C2CD2: variants seen among roughly 807,000 people sequenced by gnomAD.
C2CD2 encodes C2 calcium dependent domain containing 2, also known as C2 domain-containing protein 2.
C2CD2 carries 43 observed loss-of-function variants against 74.3 expected under a neutral mutation model. That is an observed-to-expected ratio of 0.58 (90% confidence interval 0.45 to 0.75). The LOEUF (loss-of-function observed/expected upper bound fraction) is 0.75. Ranked by LOEUF, C2CD2 falls within the 30% of genes least tolerant of loss-of-function variation. C2CD2 has a pLI of 0.00. For missense variants in C2CD2, 801 were observed against 916.3 expected (o/e 0.87, Z 1.63); for synonymous variants, 422 against 390.7 (o/e 1.08, Z -0.94).
chr21:41,949,181 T>C (rs2146237722), intron 1 of C2CD2, among the ~76,000 whole-genome samples: 1 of 152,230 alleles, frequency 6.6e-6, no homozygotes, highest in African/African-American at 2.4e-5. Context: ...GAGGCAAGCA[T>C]GCTGGATCCC....
chr21:41,941,051 G>A (rs187651010), intron 2 of C2CD2, among the ~76,000 whole-genome samples: 95 of 152,136 alleles, frequency 6.2e-4, no homozygotes, highest in African/African-American at 2.2e-3. Flanking sequence ...GGTAAGATTT[G>A]TATTGAAGAG....
At chr21:41,897,519 C>T (rs1489873079) in intron 13 of C2CD2, among the ~76,000 whole-genome samples, 6 of 152,194 alleles carry the variant, frequency 3.9e-5, no homozygotes, top group South Asian at 4.1e-4. Context: ...CAGAGGTCAG[C>T]GTGCAGCTTA....
chr21:41,933,009 C>G (rs551912232), intron 2 of C2CD2, among the ~76,000 whole-genome samples: 2 of 150,382 alleles, frequency 1.3e-5, no homozygotes, highest in East Asian at 3.9e-4. Context: ...CTCAGGCCAG[C>G]CAGTCCTCGG....
Position 41,926,241 on chromosome 21 carries a change from A to G in C2CD2, c.379-4156T>C, listed in dbSNP as rs1467717340. Among the ~76,000 whole-genome samples the G allele has an allele frequency of 6.6e-6, 1 of 152,200 alleles. No homozygotes were observed. The highest frequency in any genetic ancestry group is 2.4e-5 in the African/African-American group (1 of 41,444). ...TTTTTTTTCCCCAAAACAAGCAAAG[A>G]TTATTTACATAAAGCATTTGAAAAT... On this transcript the variant is annotated intron_variant, in intron 2 of 13. Transcript: ENST00000380486. This position sits in a 1 kb window ranked among gnomAD's most constrained non-coding sequence, Gnocchi z 8.0.
In C2CD2 at chr21:41,901,479, G is replaced by C. The variant is rs1441611394; in HGVS notation, c.1560+143C>G. On this transcript the variant is annotated intron_variant, in intron 12 of 13. Transcript: ENST00000380486. ...AACACCACACATGACTCCTTTGTGG[G>C]GTGAGGAACATAATTTGACATTTGT... 6.3e-5 allele frequency: 53 copies of C among 839,790 alleles called. 2 individuals are homozygous for C. The highest frequency in any genetic ancestry group is 4.8e-4 in the South Asian group (34 of 71,226). 52.0% of individuals were successfully genotyped at this position (839,790 alleles called of 1,614,324 possible). A position where few individuals can be genotyped will look rare whatever the true frequency, so the allele number is the denominator to read the frequency against.
rs1362837911 is a variant in C2CD2, at chr21:41,888,887, C to T, written c.*237G>A. 1.0e-5 allele frequency: 6 copies of T among 580,322 alleles called. No individual in the cohort carries two copies. The highest frequency in any genetic ancestry group is 1.5e-5 in the Non-Finnish European group (5 of 325,392). The allele number at this position is 580,322 out of a possible 1,614,324, so 35.9% of individuals were successfully genotyped here. ...AGCTATGAGCACAGCCCAAGCTCTGCAGCTGTCAAGTCTCATTTAGCATCT... is the reference window on the plus strand; with the variant it reads ...AGCTATGAGCACAGCCCAAGCTCTGTAGCTGTCAAGTCTCATTTAGCATCT... On this transcript the variant is annotated 3_prime_UTR_variant, in exon 14 of 14. Coordinates refer to ENST00000380486, the MANE Select transcript of C2CD2 (RefSeq NM_015500.2).
At chr21:41,909,034 G>A (rs571578091) in intron 8 of C2CD2, among the ~76,000 whole-genome samples, 2 of 152,280 alleles carry the variant, frequency 1.3e-5, no homozygotes, top group Non-Finnish European at 2.9e-5. Context: ...TTGCACAACC[G>A]TGTGAATGTA....
intron 1 of C2CD2, among the ~76,000 whole-genome samples, chr21:41,949,150 G>A (rs1169189240): frequency 6.6e-6 from 1 of 152,020 alleles, no homozygotes; most frequent in Non-Finnish European, 1.5e-5. Flanking sequence ...GTTCTGGGCA[G>A]CCCACGGGCA....
chr21:41,887,970 A>G lies in C2CD2; in HGVS notation c.*1154T>C, dbSNP rs2064703809. ...ACTGATGAGGAAAGCGACTGGAATGATATTAGGGATATTCAAATGGTGTGC... is the reference window on the plus strand; with the variant it reads ...ACTGATGAGGAAAGCGACTGGAATGGTATTAGGGATATTCAAATGGTGTGC... On this transcript the variant is annotated 3_prime_UTR_variant, in exon 14 of 14. Coordinates refer to ENST00000380486, the MANE Select transcript of C2CD2 (RefSeq NM_015500.2). 2 of 152,470 alleles carry G rather than the reference A, an allele frequency of 1.3e-5. No individual in the cohort carries two copies. The allele number at this position is 152,470 out of a possible 1,614,324, so 9.4% of individuals were successfully genotyped here. A position where few individuals can be genotyped will look rare whatever the true frequency, so the allele number is the denominator to read the frequency against.
chr21:41,943,494 C>G (rs909029239), intron 1 of C2CD2, among the ~76,000 whole-genome samples: 1 of 152,156 alleles, frequency 6.6e-6, no homozygotes, highest in African/African-American at 2.4e-5. Context: ...GAACTCTGTT[C>G]CTGACATGCT....
chr21:41,909,089 CATTTT>C (rs942695993), intron 8 of C2CD2, among the ~76,000 whole-genome samples: 2 of 152,134 alleles, frequency 1.3e-5, no homozygotes, highest in African/African-American at 4.8e-5. Context: ...TAAGACGATA[CATTTT>C]ATGTTGTTTA....
At chr21:41,936,045 A>AT (rs71274596) in intron 2 of C2CD2, among the ~76,000 whole-genome samples, 42,772 of 151,030 alleles carry the variant, frequency 0.28, 6,692 homozygotes, top group Non-Finnish European at 0.35. Context: ...TTGGGCAATG[A>AT]TTTTTTTTTG....
chr21:41,932,615 A>G (rs1451317086), intron 2 of C2CD2, among the ~76,000 whole-genome samples: 1 of 150,456 alleles, frequency 6.6e-6, no homozygotes, highest in African/African-American at 2.4e-5. Flanking sequence ...AAGAACTGAT[A>G]ATCGGTGTGA....
In C2CD2 at chr21:41,895,349, T is replaced by C. The variant is rs570591562; in HGVS notation, c.1870+3704A>G. The stretch of plus-strand genomic sequence containing the variant: ...CTGATGGTCTGGATCAAGCAGATCA[T>C]CTGCTTGACTTTGAGCCCGCAGAAT... On this transcript the variant is annotated intron_variant, in intron 13 of 13. Transcript: ENST00000380486. The surrounding 1 kb of genome is among the most constrained non-coding windows in gnomAD (Gnocchi z 5.0). Among the ~76,000 whole-genome samples, 201 of 152,326 alleles carry C rather than the reference T, an allele frequency of 1.3e-3. 2 individuals carry two copies. The highest frequency in any genetic ancestry group is 3.8e-3 in the African/African-American group (158 of 41,570).
intron 7 of C2CD2, among the ~76,000 whole-genome samples, chr21:41,911,007 A>AAAC (rs3053244): frequency 0.69 from 104,851 of 151,302 alleles, 36,626 homozygotes; most frequent in South Asian, 0.8. Flanking sequence ...TTCTAGAATA[A>AAAC]AATAGGCATC....
At chr21:41,952,993 T>C in intron 1 of C2CD2, 1 of 224,668 alleles carries the variant, frequency 4.5e-6, no homozygotes, top group Non-Finnish European at 8.7e-6. Context: ...GGGTCACAGC[T>C]ATTCATGTAT....
chr21:41,918,116 T>C lies in C2CD2; in HGVS notation c.709A>G (p.Lys237Glu), dbSNP rs2065112695. The C allele has an allele frequency of 6.2e-7, 1 of 1,614,062 alleles. No individual in the cohort carries two copies. Among genetic ancestry groups the C allele is most frequent in the Non-Finnish European group, 8.5e-7 (1 of 1,179,996 alleles). The part of the protein sequence containing the change: ...VVLITKPTTV[K>E]EAQNLQCAAS... ...CCAGATGAGTTTACCTGAGCTTCCT[T>C]TACAGTCGTGGGCTTGGTAATCAGA... is the stretch of plus-strand genomic sequence containing the variant. Residue 237 changes from lysine to glutamate, a missense_variant, in exon 5 of 14, where the codon AAG becomes GAG. Coordinates refer to ENST00000380486, the MANE Select transcript of C2CD2 (RefSeq NM_015500.2).
intron 6 of C2CD2, among the ~76,000 whole-genome samples, chr21:41,914,015 G>A (rs956445698): frequency 6.6e-6 from 1 of 152,148 alleles, no homozygotes; most frequent in African/African-American, 2.4e-5. Context: ...ATCACCTGAG[G>A]TAGGGAGTTC....
At chr21:41,901,918 C>T (rs182503769) in intron 11 of C2CD2, among the ~76,000 whole-genome samples, 169 bp from the exon 12 acceptor site, 1 of 152,324 alleles carries the variant, frequency 6.6e-6, no homozygotes, top group Non-Finnish European at 1.5e-5. Context: ...AACAACTTCT[C>T]AATGCAGCTT....
Sources: allele counts gnomAD v4.1 joint callset (sites outside exome capture counted in the v4.1 genomes callset), GRCh38; gene constraint gnomAD v4.1.1; non-coding constraint Gnocchi (gnomAD v3.1); transcripts MANE v1.5; gene names NCBI Gene and HGNC (gene_info 2026-07-23, HGNC 2026-07-21).